The following RAB3GAP1 variants were observed in gnomAD, a reference collection of about 807,000 sequenced individuals.
The protein encoded by RAB3GAP1 is rab3 GTPase-activating protein catalytic subunit.
In RAB3GAP1, 86 loss-of-function variants were observed where a neutral mutation model predicts 130.7. That is an observed-to-expected ratio of 0.66 (90% confidence interval 0.55 to 0.79). The LOEUF (loss-of-function observed/expected upper bound fraction) is 0.79, where lower values mean the gene tolerates loss of function less well. Among genes scored for constraint, RAB3GAP1 ranks in the 30% least tolerant of loss-of-function variants. The pLI is 0.00. For synonymous variants in RAB3GAP1, 367 were observed against 401.7 expected (o/e 0.91, Z 1.03); for missense variants, 1,029 against 1,169.4 (o/e 0.88, Z 1.75).
intron 17 of RAB3GAP1, among the ~76,000 whole-genome samples, chr2:135,141,141 C>G (rs1691826692): frequency 6.7e-6 from 1 of 150,176 alleles, no homozygotes; most frequent in Non-Finnish European, 1.5e-5. Flanking sequence ...TTTCTTATTA[C>G]TTTATAGGAA....
intron 3 of RAB3GAP1, among the ~76,000 whole-genome samples, chr2:135,089,131 G>A (rs1403180072): frequency 6.6e-6 from 1 of 152,030 alleles, no homozygotes; most frequent in Non-Finnish European, 1.5e-5. Context: ...TTCCCAGCAC[G>A]ATTTGTTAAA....
At chr2:135,122,276 C>T (rs574969757) in intron 8 of RAB3GAP1, among the ~76,000 whole-genome samples, 1 of 152,280 alleles carries the variant, frequency 6.6e-6, no homozygotes, top group East Asian at 1.9e-4. Context: ...AAGAAACACT[C>T]AAATGTTTGT....
intron 23 of RAB3GAP1, among the ~76,000 whole-genome samples, chr2:135,166,231 T>A (rs1692646101): frequency 6.6e-6 from 1 of 152,140 alleles, no homozygotes; most frequent in Non-Finnish European, 1.5e-5. Flanking sequence ...TTTTTAGTCC[T>A]GAGATTGTTA....
At chr2:135,057,970 G>C (rs769877500) in intron 2 of RAB3GAP1, 41 bp from the exon 3 acceptor site, 17 of 1,336,930 alleles carry the variant, frequency 1.3e-5, no homozygotes. Context: ...TAGGAAAAAA[G>C]GTGTGCTGTT....
chr2:135,075,940 C>G (rs1689622129), intron 3 of RAB3GAP1, among the ~76,000 whole-genome samples: 1 of 135,694 alleles, frequency 7.4e-6, no homozygotes, highest in Non-Finnish European at 1.5e-5. Context: ...GAGACGGGGT[C>G]TCACTCTGTC....
At chr2:135,082,141 C>CAATGAATGAATGAATGAATGAATGAATG (rs112935823) in intron 3 of RAB3GAP1, among the ~76,000 whole-genome samples, 2 of 148,652 alleles carry the variant, frequency 1.3e-5, no homozygotes, top group African/African-American at 5.1e-5. Context: ...GACTCTGTCT[C>CAATGAATGAATGAATGAATGAATGAATG]AATGAATGAA....
rs997903859 is a variant in RAB3GAP1, at chr2:135,101,761, C to T, written c.362+8068C>T. ...ATGTGTTTTGCTGGATGTATTTCAG[C>T]CTTCTGATATACCTATCCTTTAAAT... is the stretch of plus-strand genomic sequence containing the variant. On this transcript the variant is annotated intron_variant, in intron 5 of 23. Coordinates refer to ENST00000264158, the MANE Select transcript of RAB3GAP1 (RefSeq NM_012233.3). Among the ~76,000 whole-genome samples the T allele has an allele frequency of 2.2e-4, 33 of 151,816 alleles. No individual in the cohort carries two copies. The South Asian group carries it at 2.3e-3, about 11-fold the overall frequency.
In RAB3GAP1 at chr2:135,168,982, T is replaced by G. The variant is rs78044288; in HGVS notation, c.*201T>G. ...GTGGAGGGGGCAGCGAGGATGGGCT[T>G]GAGCTGTTGAGAGATTTCTGCCCTA... is the stretch of plus-strand genomic sequence containing the variant. On this transcript the variant is annotated 3_prime_UTR_variant, in exon 24 of 24. Transcript: ENST00000264158. 95 of 570,276 alleles carry G rather than the reference T, an allele frequency of 1.7e-4. No homozygotes were observed. In the East Asian group the frequency reaches 2.2e-3, roughly 13 times the overall value. 35.3% of individuals were successfully genotyped at this position (570,276 alleles called of 1,614,324 possible). A position where few individuals can be genotyped will look rare whatever the true frequency, so the allele number is the denominator to read the frequency against.
intron 17 of RAB3GAP1, among the ~76,000 whole-genome samples, chr2:135,136,331 GA>G (rs201975671): frequency 2.7e-5 from 4 of 149,294 alleles, no homozygotes; most frequent in Non-Finnish European, 6.0e-5. Context: ...TGTCTCAAAA[GA>G]AAAAAAAAGT....
chr2:135,168,760 A>G lies in RAB3GAP1; in HGVS notation c.2925A>G (p.Ser975=), dbSNP rs1161162544. 6.2e-7 allele frequency: 1 copy of G among 1,613,512 alleles called. No homozygotes were observed. The highest frequency in any genetic ancestry group is 1.3e-5 in the African/African-American group (1 of 74,886). ...KEDFRLAGAF[S]SDTSFF ...ACTTTAGACTTGCAGGTGCCTTTTC[A>G]TCAGATACTTCCTTCTTCTGATTCT... The change falls in exon 24 of 24, where the codon TCA becomes TCG. Residue 975 remains serine (S), a synonymous_variant. Transcript: ENST00000264158.
chr2:135,074,006 T>C (rs1689549858), intron 3 of RAB3GAP1, among the ~76,000 whole-genome samples: 1 of 152,122 alleles, frequency 6.6e-6, no homozygotes, highest in Non-Finnish European at 1.5e-5. Context: ...ATTCCACCTA[T>C]TGGAAAGGAT....
chr2:135,078,695 C>G (rs1470183995), intron 3 of RAB3GAP1, among the ~76,000 whole-genome samples: 1 of 100,008 alleles, frequency 1.0e-5, no homozygotes, highest in Non-Finnish European at 1.9e-5. Context: ...CTCCCCTGCC[C>G]TCCCCTCCCC....
chr2:135,132,450 A>T (rs1212934949), intron 13 of RAB3GAP1, among the ~76,000 whole-genome samples: 1 of 152,188 alleles, frequency 6.6e-6, no homozygotes, highest in Non-Finnish European at 1.5e-5. Flanking sequence ...CTTGAATATC[A>T]TCTCTTAGTA....
chr2:135,099,454 T>G (rs1379768087), intron 5 of RAB3GAP1, among the ~76,000 whole-genome samples: 1 of 151,316 alleles, frequency 6.6e-6, no homozygotes, highest in Non-Finnish European at 1.5e-5. Flanking sequence ...TGTGTGTGTG[T>G]GTGTGTGTGT....
At chr2:135,120,277 T>C (rs183281253) in intron 7 of RAB3GAP1, among the ~76,000 whole-genome samples, 2 of 152,352 alleles carry the variant, frequency 1.3e-5, no homozygotes, top group East Asian at 3.9e-4. Flanking sequence ...ATATCTCTTT[T>C]TCTAATAGCA....
chr2:135,150,902 C>T (rs1692154692), intron 18 of RAB3GAP1, among the ~76,000 whole-genome samples: 1 of 152,038 alleles, frequency 6.6e-6, no homozygotes, highest in Non-Finnish European at 1.5e-5. Flanking sequence ...TTAAGAAATA[C>T]AGTGTTTACC....
intron 8 of RAB3GAP1, 76 bp from the exon 9 acceptor site, chr2:135,124,089 T>C: frequency 7.2e-7 from 1 of 1,379,684 alleles, no homozygotes; most frequent in Admixed American, 1.7e-5. Flanking sequence ...AAAGCTATGA[T>C]ATTCCAAAGG....
intron 5 of RAB3GAP1, among the ~76,000 whole-genome samples, chr2:135,102,380 G>A (rs1690471664): frequency 6.6e-6 from 1 of 152,228 alleles, no homozygotes; most frequent in African/African-American, 2.4e-5. Context: ...TGTGAGACCT[G>A]TTTCAGACTT....
At chr2:135,135,393 T>G (rs1691649918) in intron 16 of RAB3GAP1, 74 bp downstream of exon 16, 1 of 1,464,850 alleles carries the variant, frequency 6.8e-7, no homozygotes, top group African/African-American at 1.4e-5. Context: ...AATGTAATAA[T>G]GGGTTACATG....
Sources: allele counts gnomAD v4.1 joint callset (sites outside exome capture counted in the v4.1 genomes callset), GRCh38; gene constraint gnomAD v4.1.1; transcripts MANE v1.5; gene names NCBI Gene and HGNC (gene_info 2026-07-23, HGNC 2026-07-21).